The following PLCE1 variants were observed in gnomAD, a reference collection of about 807,000 sequenced individuals.
The protein encoded by PLCE1 is 1-phosphatidylinositol 4,5-bisphosphate phosphodiesterase epsilon-1.
Under a neutral mutation model 242.8 loss-of-function variants are expected in PLCE1, and 119 were observed. That is an observed-to-expected ratio of 0.49 (90% CI 0.42 to 0.57). PLCE1 has a LOEUF of 0.57. Ranked by LOEUF, PLCE1 falls within the 20% of genes least tolerant of loss-of-function variation. The pLI is 0.00. For missense variants in PLCE1, 2,441 were observed against 2,788.8 expected, an observed-to-expected ratio of 0.88 and a Z score of 2.81; for synonymous variants, 945 against 1,017.4, an observed-to-expected ratio of 0.93 and a Z score of 1.35.
chr10:94,300,233 G>C (rs886712236), intron 24 of PLCE1, among the ~76,000 whole-genome samples: 3 of 152,190 alleles, frequency 2.0e-5, no homozygotes, highest in African/African-American at 7.2e-5. Context: ...CCACTGAATA[G>C]CAAAAGGGAG....
chr10:94,083,429 C>G (rs1424729695), intron 2 of PLCE1, among the ~76,000 whole-genome samples: 2 of 152,106 alleles, frequency 1.3e-5, no homozygotes, highest in Non-Finnish European at 1.5e-5. Context: ...CCCTAAACAA[C>G]TCTATAAAGG....
At chr10:94,326,868 T>TG (rs1278105918) in intron 32 of PLCE1, among the ~76,000 whole-genome samples, 5 of 152,194 alleles carry the variant, frequency 3.3e-5, no homozygotes, top group African/African-American at 1.2e-4. Flanking sequence ...TGCTTAAAGC[T>TG]GGGGAGGCCT....
chr10:94,279,585 C>T (rs2052114659), intron 19 of PLCE1, 197 bp from the exon 20 acceptor site: 11 of 621,498 alleles, frequency 1.8e-5, no homozygotes, highest in East Asian at 2.8e-5. Context: ...AGGATTCTTC[C>T]TGTAGGAATG....
At chr10:94,059,680 G>A (rs1312881082) in intron 2 of PLCE1, among the ~76,000 whole-genome samples, 1 of 152,142 alleles carries the variant, frequency 6.6e-6, no homozygotes, top group Non-Finnish European at 1.5e-5. Context: ...TGTGTTACAT[G>A]CTAATCTTAT....
chr10:94,206,006 T>C (rs1274332949), intron 4 of PLCE1, among the ~76,000 whole-genome samples: 1 of 152,206 alleles, frequency 6.6e-6, no homozygotes, highest in Non-Finnish European at 1.5e-5. Context: ...GGAGCTTCCA[T>C]TGCAGTTAGA....
At chr10:94,310,726 T>G (rs2053361743) in intron 27 of PLCE1, among the ~76,000 whole-genome samples, 1 of 152,158 alleles carries the variant, frequency 6.6e-6, no homozygotes, top group Non-Finnish European at 1.5e-5. Flanking sequence ...AATGAACTGT[T>G]TTTACTCACG....
In PLCE1 at chr10:94,324,981, A is replaced by G. The variant is rs1399905648; in HGVS notation, c.6810A>G (p.Thr2270=). 2.1e-5 allele frequency: 34 copies of G among 1,614,040 alleles called. No homozygotes were observed. The highest frequency in any genetic ancestry group is 2.7e-5 in the Non-Finnish European group (32 of 1,179,986). The change falls in exon 32 of 33, where the codon ACA becomes ACG. Residue 2270 remains threonine, a synonymous_variant. Transcript: ENST00000371380. ...TKSTKQPRGL[T]SPSQLLTSES... is the part of the protein sequence containing the mutation. Reference sequence around the variant, plus strand: ...CAACTAAACAGCCCCGAGGACTTACATCACCTTCTCAGCTCTTGACCTCAG... The same window carrying G: ...CAACTAAACAGCCCCGAGGACTTACGTCACCTTCTCAGCTCTTGACCTCAG...
intron 3 of PLCE1, among the ~76,000 whole-genome samples, chr10:94,168,835 G>T (rs1444459789): frequency 6.6e-6 from 1 of 151,998 alleles, no homozygotes; most frequent in Non-Finnish European, 1.5e-5. Context: ...CTTATATTTG[G>T]CTAATTCCAC....
intron 29 of PLCE1, 29 bp downstream of exon 29, chr10:94,316,785 G>GT: frequency 1.3e-6 from 2 of 1,501,330 alleles, no homozygotes; most frequent in Non-Finnish European, 1.9e-6. Flanking sequence ...AGCCTACACA[G>GT]TAACGACTCA....
chr10:93,994,161 G>C lies in PLCE1; in HGVS notation c.-462G>C, dbSNP rs1400723402. Among the ~76,000 whole-genome samples the C allele has an allele frequency of 1.3e-5, 2 of 152,272 alleles. No homozygotes were observed. The highest frequency in any genetic ancestry group is 6.5e-5 in the Admixed American group (1 of 15,306). On this transcript the variant is annotated 5_prime_UTR_variant, in exon 1 of 33. Transcript: ENST00000371380. ...GGCTCTGCAGCTGACACACAGTAGC[G>C]GGGACACCCGACGCCGCTAGCGACA...
At chr10:94,075,961 C>T (rs968897661) in intron 2 of PLCE1, among the ~76,000 whole-genome samples, 1 of 152,140 alleles carries the variant, frequency 6.6e-6, no homozygotes, top group African/African-American at 2.4e-5. Flanking sequence ...CTGACAACAG[C>T]CCTGTGAGGT....
intron 2 of PLCE1, among the ~76,000 whole-genome samples, chr10:94,063,644 T>C (rs113330067): frequency 5.3e-5 from 8 of 152,206 alleles, no homozygotes; most frequent in African/African-American, 1.9e-4. Context: ...GGGAGTACAG[T>C]GGCAAACACG....
At chr10:94,275,825 A>C (rs1420438179) in intron 19 of PLCE1, among the ~76,000 whole-genome samples, 1 of 151,074 alleles carries the variant, frequency 6.6e-6, no homozygotes, top group African/African-American at 2.4e-5. Flanking sequence ...ATAGAGTAAG[A>C]CCCTGACTCA....
In PLCE1 at chr10:94,316,644, A is replaced by C; in HGVS notation, c.6230A>C (p.Lys2077Thr). ...TCTAAAGAAAAGAATGAATGTAGGA[A>C]ACAACCATTCCAGAGAGCCATTGGT... The part of the protein sequence containing the change: ...FISKEKNECR[K>T]QPFQRAIGPE... Residue 2077 changes from lysine (K) to threonine (T), a missense_variant, in exon 29 of 33, where the codon AAA becomes ACA. By Grantham distance (78) the Lys-to-Thr change is moderately conservative. This residue lies in a region of PLCE1 where 310 missense variants were observed against 317.2 expected (regional missense o/e 0.98). Transcript: ENST00000371380. 1 of 1,611,450 alleles carries C rather than the reference A, an allele frequency of 6.2e-7. No individual in the cohort carries two copies. The highest frequency in any genetic ancestry group is 8.5e-7 in the Non-Finnish European group (1 of 1,177,512).
chr10:94,008,543 A>G (rs1331315530), intron 1 of PLCE1, among the ~76,000 whole-genome samples: 2 of 152,184 alleles, frequency 1.3e-5, no homozygotes, highest in Non-Finnish European at 2.9e-5. Context: ...TCCTGACCTC[A>G]AGTGATCTGC....
intron 2 of PLCE1, among the ~76,000 whole-genome samples, chr10:94,131,972 T>C (rs1384457227): frequency 1.3e-5 from 2 of 152,208 alleles, no homozygotes; most frequent in Non-Finnish European, 2.9e-5. Context: ...GAATGACCTA[T>C]TTTATAACTA....
intron 20 of PLCE1, among the ~76,000 whole-genome samples, chr10:94,281,062 GA>G (rs1190579514): frequency 6.6e-6 from 1 of 152,166 alleles, no homozygotes; most frequent in Non-Finnish European, 1.5e-5. Flanking sequence ...AGTAAGAGGG[GA>G]AAAAATTAAA....
At chr10:94,284,773 T>C in intron 21 of PLCE1, 75 bp from the exon 22 acceptor site, 1 of 826,048 alleles carries the variant, frequency 1.2e-6, no homozygotes, top group Non-Finnish European at 2.2e-6. Context: ...GGAGGACAGA[T>C]AAAAGAGCTT....
intron 4 of PLCE1, among the ~76,000 whole-genome samples, chr10:94,203,563 C>A (rs2049047919): frequency 6.6e-6 from 1 of 152,146 alleles, no homozygotes; most frequent in Admixed American, 6.5e-5. Context: ...CACTTCTCAA[C>A]AAAAATGTAA....
Sources: allele counts gnomAD v4.1 joint callset (sites outside exome capture counted in the v4.1 genomes callset), GRCh38; gene constraint gnomAD v4.1.1; regional missense constraint gnomAD v4.1.1; transcripts MANE v1.5; gene names NCBI Gene and HGNC (gene_info 2026-07-23, HGNC 2026-07-21).